Variants in TTN observed in about 807,000 individuals in gnomAD.
TTN encodes connectin.
A neutral mutation model predicts 3,223.0 loss-of-function variants in TTN; 1,525 were observed. The observed-to-expected ratio is 0.47, with a 90% CI of 0.45 to 0.49. The LOEUF (loss-of-function observed/expected upper bound fraction) is 0.49. TTN is among the 20% of genes least tolerant of loss of function. The pLI is 0.00. For missense variants in TTN, 40,786 were observed against 43,424.0 expected (o/e 0.94, Z 5.40); for synonymous variants, 14,094 against 15,161.0 (o/e 0.93, Z 5.17).
chr2:178,748,094 G>A (rs762662029), intron 47 of TTN: 4 of 1,613,006 alleles, frequency 2.5e-6, no homozygotes, highest in South Asian at 1.1e-5. Flanking sequence ...CTCACTTGCT[G>A]CTTTTTTCAA....
Position 178,587,999 on chromosome 2 carries a change from A to T in TTN, c.63408T>A (p.Asp21136Glu), listed in dbSNP as rs1047829961. 1 of 1,612,706 alleles carries T rather than the reference A, an allele frequency of 6.2e-7. No individual in the cohort carries two copies. The highest frequency in any genetic ancestry group is 1.3e-5 in the African/African-American group (1 of 74,974). The change falls in exon 305 of 363, where the codon GAT (aspartate) becomes GAA (glutamate). Residue 21136 changes from aspartate to glutamate, a missense_variant. By Grantham distance (45) the Asp-to-Glu change is conservative. Coordinates refer to ENST00000589042, the MANE Select transcript of TTN (RefSeq NM_001267550.2). The part of the protein sequence containing the change: ...VRKEFTVTSL[D>E]ENQEYEFRVC... ...CCCTGAACTCATATTCCTGGTTTTCATCCAAGCTGGTAACAGTGAATTCCT... is the reference window on the plus strand; with the variant it reads ...CCCTGAACTCATATTCCTGGTTTTCTTCCAAGCTGGTAACAGTGAATTCCT...
chr2:178,764,647 C>A lies in TTN; in HGVS notation c.9868G>T (p.Asp3290Tyr), dbSNP rs750489067. Residue 3290 changes from aspartate (D) to tyrosine (Y), a missense_variant, in exon 42 of 363, where the codon GAT (aspartate) becomes TAT (tyrosine). Coordinates refer to ENST00000589042, the MANE Select transcript of TTN (RefSeq NM_001267550.2). ...STGFKCKFLH[D>Y]GQEYTLLLIE... is the part of the protein sequence containing the mutation. The stretch of plus-strand genomic sequence containing the variant: ...AGCAAAAGCGTGTATTCTTGCCCAT[C>A]ATGAAGAAATTTGCACTTGAAGCCA... The A allele has an allele frequency of 1.2e-6, 2 of 1,613,980 alleles. No individual in the cohort carries two copies. The highest frequency in any genetic ancestry group is 2.2e-5 in the East Asian group (1 of 44,868).
chr2:178,537,454 A>T lies in TTN; in HGVS notation c.99753T>A (p.Tyr33251Ter). 6.2e-7 allele frequency: 1 copy of T among 1,613,356 alleles called. No individual in the cohort carries two copies. The highest frequency in any genetic ancestry group is 8.5e-7 in the Non-Finnish European group (1 of 1,179,586). ...ENITIENTEH[Y>*]THLVMKNVQR... ...GGACATTCTTCATGACAAGATGAGT[A>T]TAGTGCTCAGTGTTTTCAATAGTAA... Residue 33251 changes from tyrosine to a stop codon, truncating the protein, a stop_gained, in exon 355 of 363, where the codon TAT becomes TAA. Transcript: ENST00000589042. LOFTEE classifies it high-confidence loss of function.
chr2:178,741,388 A>G lies in TTN; in HGVS notation c.11845T>C (p.Cys3949Arg). The G allele has an allele frequency of 6.2e-7, 1 of 1,613,904 alleles. No individual in the cohort carries two copies. The highest frequency in any genetic ancestry group is 8.5e-7 in the Non-Finnish European group (1 of 1,179,832). Residue 3949 changes from cysteine (C) to arginine (R), a missense_variant, in exon 48 of 363, where the codon TGT becomes CGT. Transcript: ENST00000589042. ...HFLKELKPIR[C>R]AQGLPAIFEY... Reference sequence around the variant, plus strand: ...AAGATGGCAGGAAGCCCTTGAGCACAGCGAATTGGTTTTAACTCCTTAAGG... The same window carrying G: ...AAGATGGCAGGAAGCCCTTGAGCACGGCGAATTGGTTTTAACTCCTTAAGG...
At chr2:178,680,125 C>T in intron 139 of TTN, 70 bp from the exon 140 acceptor site, 4 of 1,590,058 alleles carry the variant, frequency 2.5e-6, no homozygotes, top group Non-Finnish European at 3.4e-6. Context: ...CTTAGAAACA[C>T]AGGCCCATTT....
intron 48 of TTN, among the ~76,000 whole-genome samples, 171 bp from the exon 49 acceptor site, chr2:178,738,531 AAAG>A (rs1165733682): frequency 1.2e-4 from 18 of 152,188 alleles, no homozygotes; most frequent in South Asian, 6.2e-4. Context: ...ATTGAAGGCA[AAAG>A]AAGACAATAA....
chr2:178,545,931 C>A lies in TTN; in HGVS notation c.95305G>T (p.Val31769Phe). 6.2e-7 allele frequency: 1 copy of A among 1,613,826 alleles called. No homozygotes were observed. The highest frequency in any genetic ancestry group is 8.5e-7 in the Non-Finnish European group (1 of 1,179,788). ...TCATTGTTCTTGATGAGCCTGGTAACGACATAGGATAGGGTTGGGCATTCG... is the reference window on the plus strand; with the variant it reads ...TCATTGTTCTTGATGAGCCTGGTAAAGACATAGGATAGGGTTGGGCATTCG... ...EGECPTLSYV[V>F]TRLIKNNEYI... Residue 31769 changes from valine to phenylalanine, a missense_variant, in exon 343 of 363, where the codon GTT becomes TTT. Transcript: ENST00000589042.
rs2091449758 is a variant in TTN at position 178,771,297 on chromosome 2, A to T, written c.8030T>A (p.Ile2677Asn). 1.2e-6 allele frequency: 2 copies of T among 1,614,138 alleles called. No homozygotes were observed. Among genetic ancestry groups the T allele is most frequent in the Non-Finnish European group, 1.7e-6 (2 of 1,180,012 alleles). Residue 2677 changes from isoleucine (I) to asparagine (N), a missense_variant, in exon 34 of 363, where the codon ATC becomes AAC. Transcript: ENST00000589042. Reference protein sequence around the residue: ...SESDGHKRRLIIAATKLDDIG... With the variant: ...SESDGHKRRLNIAATKLDDIG... ...GTCATCTAATTTGGTGGCAGCAATG[A>T]TAAGTCTCCTTTTGTGGCCATCAGA...
chr2:178,786,941 T>C (rs1287692721), intron 13 of TTN, among the ~76,000 whole-genome samples: 2 of 152,116 alleles, frequency 1.3e-5, no homozygotes, highest in East Asian at 3.9e-4. Flanking sequence ...TTAATGGAAA[T>C]ACAATTTGCA....
In TTN at chr2:178,634,616, G is replaced by A; in HGVS notation, c.42165C>T (p.Asp14055=). 1 of 1,613,106 alleles carries A rather than the reference G, an allele frequency of 6.2e-7. No homozygotes were observed. The highest frequency in any genetic ancestry group is 1.1e-5 in the South Asian group (1 of 90,994). The stretch of plus-strand genomic sequence containing the variant: ...TGACATCCTTCAGGGGCACAGCAAA[G>A]TCAAGTTCGATTTCTGAAAATCAGA... ...AILTVKEIEL[D]FAVPLKDVTV... Residue 14055 remains aspartate (D), a synonymous_variant, in exon 230 of 363, where the codon GAC becomes GAT. Coordinates refer to ENST00000589042, the MANE Select transcript of TTN (RefSeq NM_001267550.2). The surrounding 1 kb of genome is among the most constrained non-coding windows in gnomAD (Gnocchi z 4.6).
At chr2:178,725,115 G>C (rs563957401) in intron 71 of TTN, 2 of 375,450 alleles carry the variant, frequency 5.3e-6, no homozygotes, top group South Asian at 1.4e-4. Flanking sequence ...TAATCAAAGA[G>C]AGTCATGATT....
In TTN at chr2:178,530,292, A is replaced by G; in HGVS notation, c.106323T>C (p.Val35441=). 3 of 1,613,310 alleles carry G rather than the reference A, an allele frequency of 1.9e-6. No individual in the cohort carries two copies. Among genetic ancestry groups the G allele is most frequent in the Non-Finnish European group, 2.5e-6 (3 of 1,179,336 alleles). Reference sequence around the variant, plus strand: ...TTGGCCGGGGTTCTCCAGTAGCCTTAACTGCAAATTTAGCAACACTGTCTG... The same window carrying G: ...TTGGCCGGGGTTCTCCAGTAGCCTTGACTGCAAATTTAGCAACACTGTCTG... ...VSSDSVAKFA[V]KATGEPRPTA... is the part of the protein sequence containing the mutation. Residue 35441 remains valine (V), a synonymous_variant, in exon 358 of 363, where the codon GTT becomes GTC. Coordinates refer to ENST00000589042, the MANE Select transcript of TTN (RefSeq NM_001267550.2).
chr2:178,652,678 T>C lies in TTN; in HGVS notation c.39018A>G (p.Lys13006=). The C allele has an allele frequency of 1.9e-6, 3 of 1,613,436 alleles. No homozygotes were observed. The highest frequency in any genetic ancestry group is 2.5e-6 in the Non-Finnish European group (3 of 1,179,562). ...CTTTAACAGGTGGGACTTCAGGCTTTTTAGGAGGAGCCGAGGGCACTTTCT... is the reference window on the plus strand; with the variant it reads ...CTTTAACAGGTGGGACTTCAGGCTTCTTAGGAGGAGCCGAGGGCACTTTCT... ...PEKKVPSAPP[K]KPEVPPVKVP... The change falls in exon 201 of 363, where the codon AAA becomes AAG. Residue 13006 remains lysine (K), a synonymous_variant. Coordinates refer to ENST00000589042, the MANE Select transcript of TTN (RefSeq NM_001267550.2).
chr2:178,549,387 C>T lies in TTN; in HGVS notation c.92239G>A (p.Gly30747Ser), dbSNP rs759160905. 1 of 1,613,818 alleles carries T rather than the reference C, an allele frequency of 6.2e-7. No homozygotes were observed. Among genetic ancestry groups the T allele is most frequent in the South Asian group, 1.1e-5 (1 of 91,082 alleles). The change falls in exon 339 of 363, where the codon GGT (glycine) becomes AGT (serine). Residue 30747 changes from glycine (G) to serine (S), a missense_variant. Coordinates refer to ENST00000589042, the MANE Select transcript of TTN (RefSeq NM_001267550.2). The part of the protein sequence containing the change: ...TLTWARPESD[G>S]GSEIQQYILE... Reference sequence around the variant, plus strand: ...ATATACTGTTGAATTTCACTGCCACCATCTGATTCTGGCCTTGCCCATGTC... The same window carrying T: ...ATATACTGTTGAATTTCACTGCCACTATCTGATTCTGGCCTTGCCCATGTC...
Position 178,549,197 on chromosome 2 carries a change from G to A in TTN, c.92429C>T (p.Ser30810Leu), listed in dbSNP as rs1021262891. 6 of 1,613,686 alleles carry A rather than the reference G, an allele frequency of 3.7e-6. No individual in the cohort carries two copies. The highest frequency in any genetic ancestry group is 5.1e-6 in the Non-Finnish European group (6 of 1,179,838). ...GGGCTCTCTACATTTAATGAGTCTT[G>A]AGATGCCACTTGCAGGTCCAACTCC... ...AAGVGPASGI[S>L]RLIKCREPVN... The change falls in exon 339 of 363, where the codon TCA (serine) becomes TTA (leucine). Residue 30810 changes from serine to leucine, a missense_variant. By Grantham distance (145) the Ser-to-Leu change is moderately radical. Transcript: ENST00000589042.
At position 178,528,794 on chromosome 2, in the gene TTN, A is replaced by C. The variant is rs886042500; in HGVS notation, c.106957T>G (p.Tyr35653Asp). 9.9e-6 allele frequency: 16 copies of C among 1,613,158 alleles called. No homozygotes were observed. Among genetic ancestry groups the C allele is most frequent in the Non-Finnish European group, 1.4e-5 (16 of 1,179,364 alleles). ...GTCTGATCGCTGCCTGAGACACCAT[A>C]TCGGTACTCCTCAGAGTTGGTAAGC... ...VELTNSEEYRYGVSGSDQTLT... is the reference protein window; with the variant it reads ...VELTNSEEYRDGVSGSDQTLT... The change falls in exon 360 of 363, where the codon TAT becomes GAT. Residue 35653 changes from tyrosine (Y) to aspartate (D), a missense_variant. Physicochemically the swap from Tyr to Asp is radical, Grantham distance 160. Transcript: ENST00000589042.
rs748511026 is a variant in TTN at position 178,720,453 on chromosome 2, C to G, written c.23309G>C (p.Gly7770Ala). ...HILNLEASDV[G>A]EYHCKATNEV... ...ATTAGTAGCTTTGCAGTGATATTCC[C>G]CGACATCGGAGGCTTCAAGATTAAG... Residue 7770 changes from glycine (G) to alanine (A), a missense_variant, in exon 80 of 363, where the codon GGG becomes GCG. Coordinates refer to ENST00000589042, the MANE Select transcript of TTN (RefSeq NM_001267550.2). The G allele has an allele frequency of 6.2e-7, 1 of 1,613,536 alleles. No individual in the cohort carries two copies. Among genetic ancestry groups the G allele is most frequent in the African/African-American group, 1.3e-5 (1 of 74,892 alleles).
rs768167791 is a variant in TTN at position 178,748,973 on chromosome 2, C to G, written c.11311+4151G>C. On this transcript the variant is annotated intron_variant, in intron 47 of 362. Transcript: ENST00000589042. ...ATTAACAATTGATGTTCTGGTAGGT[C>G]TTTTTTCTAGAACTCCTTTTTCTAC... 3.7e-6 allele frequency: 6 copies of G among 1,612,322 alleles called. No homozygotes were observed. The African/African-American group carries it at 4.0e-5, about 11-fold the overall frequency.
intron 219 of TTN, chr2:178,641,549 G>T (rs1020787097): frequency 7.0e-6 from 2 of 285,012 alleles, no homozygotes; most frequent in Admixed American, 5.2e-5. Context: ...TAGATAGAGG[G>T]TCTATTCTGA....
Sources: allele counts gnomAD v4.1 joint callset (sites outside exome capture counted in the v4.1 genomes callset), GRCh38; gene constraint gnomAD v4.1.1; non-coding constraint Gnocchi (gnomAD v3.1); transcripts MANE v1.5; gene names NCBI Gene and HGNC (gene_info 2026-07-23, HGNC 2026-07-21).